The following SVIL variants were observed in gnomAD, a reference collection of about 807,000 sequenced individuals.
SVIL encodes the protein archvillin.
Under a neutral mutation model 240.4 loss-of-function variants are expected in SVIL, and 101 were observed. The ratio of observed to expected loss-of-function variants is 0.42; its 90% CI spans 0.36 to 0.50. SVIL has a LOEUF of 0.50. Ranked by LOEUF, SVIL falls within the 20% of genes least tolerant of loss-of-function variation. SVIL has a pLI of 0.01. For missense variants in SVIL, 2,512 were observed against 2,818.7 expected (o/e 0.89, Z 2.46); for synonymous variants, 999 against 1,100.0 (o/e 0.91, Z 1.82).
chr10:29,559,407 T>C (rs367801737), intron 3 of SVIL, among the ~76,000 whole-genome samples: 1 of 152,184 alleles, frequency 6.6e-6, no homozygotes, highest in African/African-American at 2.4e-5. Context: ...AATTGCAGCA[T>C]GAGGCCCCTT....
At chr10:29,721,426 A>C (rs1392367210) in intron 1 of SVIL, among the ~76,000 whole-genome samples, 2 of 152,150 alleles carry the variant, frequency 1.3e-5, no homozygotes, top group African/African-American at 4.8e-5. Flanking sequence ...ACTAATTTTC[A>C]TATTGGGGAA....
chr10:29,651,618 T>TTCTC (rs9299622), intron 3 of SVIL, among the ~76,000 whole-genome samples: 28,456 of 135,170 alleles, frequency 0.21, 3,224 homozygotes, highest in South Asian at 0.33. Flanking sequence ...GCCACATGCA[T>TTCTC]TCTCTCTCTC....
chr10:29,679,895 A>C (rs987574314), intron 2 of SVIL, among the ~76,000 whole-genome samples: 3 of 151,800 alleles, frequency 2.0e-5, no homozygotes, highest in African/African-American at 7.3e-5. Context: ...AAAAAAAAAA[A>C]GTCCAGGTCA....
At chr10:29,488,791 G>C in intron 22 of SVIL, 35 bp from the exon 23 acceptor site, 2 of 1,591,400 alleles carry the variant, frequency 1.3e-6, no homozygotes, top group African/African-American at 2.7e-5. Flanking sequence ...CAACGCAGGA[G>C]GTTCAGTTAC....
chr10:29,486,398 A>C lies in SVIL; in HGVS notation c.4633+12T>G. On this transcript the variant is annotated intron_variant, in intron 25 of 37. Coordinates refer to ENST00000355867, the MANE Select transcript of SVIL (RefSeq NM_021738.3). ...AAGTCTCGTCAATCTCTGAAGTACA[A>C]TGAAGTCTTACATTGGTAACTGGTT... 1 of 1,613,928 alleles carries C rather than the reference A, an allele frequency of 6.2e-7. No homozygotes were observed. The highest frequency in any genetic ancestry group is 8.5e-7 in the Non-Finnish European group (1 of 1,179,980).
intron 11 of SVIL, among the ~76,000 whole-genome samples, chr10:29,530,204 C>A (rs1218922243): frequency 6.6e-6 from 1 of 151,976 alleles, no homozygotes; most frequent in Non-Finnish European, 1.5e-5. Flanking sequence ...CAAAGAAATT[C>A]AAGGAAAGGA....
intron 17 of SVIL, among the ~76,000 whole-genome samples, chr10:29,501,787 TC>T (rs1948919070): frequency 6.6e-6 from 1 of 152,172 alleles, no homozygotes; most frequent in South Asian, 2.1e-4. Flanking sequence ...TGAATTTTAA[TC>T]AAACCAAGAT....
At chr10:29,631,584 G>A (rs1048871707) in intron 1 of SVIL, among the ~76,000 whole-genome samples, 1 of 151,864 alleles carries the variant, frequency 6.6e-6, no homozygotes, top group Non-Finnish European at 1.5e-5. Flanking sequence ...AGACCAGCCT[G>A]ACCAACATGG....
intron 6 of SVIL, among the ~76,000 whole-genome samples, chr10:29,542,200 C>T (rs930021994): frequency 1.7e-4 from 26 of 152,046 alleles, no homozygotes; most frequent in African/African-American, 6.1e-4. Flanking sequence ...TCAAACAGCA[C>T]TGCTATAGTT....
chr10:29,582,059 C>T (rs1955967280), intron 1 of SVIL, among the ~76,000 whole-genome samples: 1 of 152,012 alleles, frequency 6.6e-6, no homozygotes, highest in African/African-American at 2.4e-5. Flanking sequence ...AGGGGCTGGG[C>T]AGAGGGAAAA....
chr10:29,535,945 C>T (rs1440909965), intron 7 of SVIL, 44 bp downstream of exon 7: 11 of 1,595,270 alleles, frequency 6.9e-6, no homozygotes, highest in African/African-American at 1.3e-5. Context: ...CAGGAGGAAG[C>T]AACACTCATG....
At chr10:29,666,229 C>T (rs1203126137) in intron 2 of SVIL, among the ~76,000 whole-genome samples, 1 of 152,178 alleles carries the variant, frequency 6.6e-6, no homozygotes, top group East Asian at 1.9e-4. Flanking sequence ...CTACTCCTAA[C>T]CATTATGCTC....
chr10:29,663,299 G>A (rs1013823042), intron 2 of SVIL, among the ~76,000 whole-genome samples: 6 of 152,100 alleles, frequency 3.9e-5, no homozygotes, highest in Admixed American at 6.5e-5. Flanking sequence ...AGTAAACATC[G>A]GTAGTTTCCA....
intron 1 of SVIL, among the ~76,000 whole-genome samples, chr10:29,696,436 C>A (rs552010982): frequency 6.6e-6 from 1 of 151,688 alleles, no homozygotes; most frequent in Admixed American, 6.5e-5. Flanking sequence ...TGAGGAGCCC[C>A]TCTGCCTGGC....
At chr10:29,703,606 C>A (rs372992460) in intron 1 of SVIL, among the ~76,000 whole-genome samples, 1 of 152,204 alleles carries the variant, frequency 6.6e-6, no homozygotes, top group Non-Finnish European at 1.5e-5. Context: ...ACTCGTGGAA[C>A]CAGCAGGCAG....
chr10:29,501,601 A>T (rs150061428), intron 17 of SVIL, among the ~76,000 whole-genome samples: 21 of 152,268 alleles, frequency 1.4e-4, no homozygotes, highest in African/African-American at 2.6e-4. Context: ...AGTTACTAAA[A>T]TTTTTTCCTA....
intron 1 of SVIL, among the ~76,000 whole-genome samples, chr10:29,615,045 C>T (rs1957382406): frequency 2.0e-5 from 3 of 152,018 alleles, no homozygotes; most frequent in Admixed American, 2.0e-4. Context: ...CATGCTAATA[C>T]AAATCATAAC....
intron 25 of SVIL, 78 bp downstream of exon 25, chr10:29,486,332 G>T (rs1401443059): frequency 3.8e-6 from 6 of 1,595,564 alleles, no homozygotes; most frequent in Non-Finnish European, 5.1e-6. Flanking sequence ...TATTTACAAT[G>T]TAAAATAGAA....
intron 6 of SVIL, among the ~76,000 whole-genome samples, chr10:29,537,317 A>G (rs971784560): frequency 6.6e-5 from 10 of 152,244 alleles, no homozygotes; most frequent in Admixed American, 5.2e-4. Flanking sequence ...TCATAAATCA[A>G]CATAGCCATT....
Sources: gnomAD v4.1 joint callset for allele counts (sites outside exome capture counted in the v4.1 genomes callset) on GRCh38, gnomAD v4.1.1 for gene constraint, MANE v1.5 for transcripts, NCBI Gene and HGNC (gene_info 2026-07-23, HGNC 2026-07-21) for gene names.